L3MBTL4: variants seen among roughly 807,000 people sequenced by gnomAD.
L3MBTL4 encodes lethal(3)malignant brain tumor-like protein 4.
Under a neutral mutation model 84.5 loss-of-function variants are expected in L3MBTL4, and 70 were observed. The observed-to-expected ratio is 0.83, with a 90% CI of 0.68 to 1.01. L3MBTL4 has a LOEUF of 1.01. L3MBTL4 is among the 50% of genes least tolerant of loss of function. L3MBTL4 has a pLI of 0.00. For synonymous variants in L3MBTL4, 274 were observed against 259.8 expected (o/e 1.05, Z -0.52); for missense variants, 715 against 754.8 (o/e 0.95, Z 0.62).
chr18:6,357,979 C>T (rs1307287026), intron 1 of L3MBTL4, among the ~76,000 whole-genome samples: 1 of 152,286 alleles, frequency 6.6e-6, no homozygotes, highest in African/African-American at 2.4e-5. Context: ...TGCCTTTGAC[C>T]AAGCCTTGGA....
At chr18:6,184,754 G>A (rs1280593728) in intron 12 of L3MBTL4, among the ~76,000 whole-genome samples, 1 of 152,118 alleles carries the variant, frequency 6.6e-6, no homozygotes, top group Non-Finnish European at 1.5e-5. Context: ...TACGTGGAAG[G>A]GGCCAGGGGA....
chr18:6,090,503 G>A (rs1380054850), intron 15 of L3MBTL4, among the ~76,000 whole-genome samples: 1 of 151,018 alleles, frequency 6.6e-6, no homozygotes, highest in Non-Finnish European at 1.5e-5. Context: ...AACCAAATTT[G>A]GAAGCTTATC....
chr18:6,354,819 T>C (rs980508414), intron 1 of L3MBTL4, among the ~76,000 whole-genome samples: 2 of 152,138 alleles, frequency 1.3e-5, no homozygotes, highest in South Asian at 2.1e-4. Context: ...GGAACCCTCG[T>C]ATACTGTTGG....
intron 16 of L3MBTL4, among the ~76,000 whole-genome samples, chr18:6,078,498 G>A (rs1225468547): frequency 6.8e-6 from 1 of 147,062 alleles, no homozygotes; most frequent in African/African-American, 2.5e-5. Context: ...ATTATGATCA[G>A]ATTTGCAGGC....
intron 14 of L3MBTL4, among the ~76,000 whole-genome samples, chr18:6,108,785 A>C (rs1441924037): frequency 1.3e-5 from 2 of 152,176 alleles, no homozygotes; most frequent in Non-Finnish European, 2.9e-5. Context: ...AAATCTTTGA[A>C]AAAGAAACTC....
intron 12 of L3MBTL4, among the ~76,000 whole-genome samples, chr18:6,178,431 A>G (rs1316812369): frequency 6.6e-6 from 1 of 152,212 alleles, no homozygotes; most frequent in Non-Finnish European, 1.5e-5. Flanking sequence ...TTCTAACCAG[A>G]TGGTCAAGTT....
At chr18:6,345,838 G>A (rs1372118816) in intron 1 of L3MBTL4, among the ~76,000 whole-genome samples, 12 of 151,800 alleles carry the variant, frequency 7.9e-5, no homozygotes, top group Admixed American at 7.9e-4. Context: ...AAATTAATAT[G>A]GAACCACAAA....
At chr18:6,077,067 T>C in intron 16 of L3MBTL4, among the ~76,000 whole-genome samples, 1 of 152,138 alleles carries the variant, frequency 6.6e-6, no homozygotes, top group East Asian at 1.9e-4. Flanking sequence ...GGAACACTCA[T>C]TGAGCAAAGG....
chr18:5,998,525 C>CTTGCT (rs1395860777), intron 16 of L3MBTL4, among the ~76,000 whole-genome samples: 1 of 152,092 alleles, frequency 6.6e-6, no homozygotes, highest in Admixed American at 6.6e-5. Context: ...AGTCACTTAA[C>CTTGCT]CAAAGGGTGG....
chr18:6,291,648 GCAGAGGAA>G (rs1568445472), intron 4 of L3MBTL4, among the ~76,000 whole-genome samples: 1 of 152,158 alleles, frequency 6.6e-6, no homozygotes, highest in Non-Finnish European at 1.5e-5. Context: ...ATATCCATAT[GCAGAGGAA>G]TGAAACTGGA....
At chr18:6,244,154 CATT>C (rs748370477) in intron 6 of L3MBTL4, among the ~76,000 whole-genome samples, 35 of 152,076 alleles carry the variant, frequency 2.3e-4, no homozygotes, top group South Asian at 8.3e-4. Flanking sequence ...ACACATTTCT[CATT>C]AGTTCAGCTA....
chr18:6,169,158 T>A lies in L3MBTL4; in HGVS notation c.1096+2670A>T, dbSNP rs181544961. Among the ~76,000 whole-genome samples, 235 of 152,198 alleles carry A rather than the reference T, an allele frequency of 1.5e-3. 1 individual carries two copies. The highest frequency in any genetic ancestry group is 5.1e-3 in the African/African-American group (211 of 41,522). On this transcript the variant is annotated intron_variant, in intron 13 of 18. Coordinates refer to ENST00000317931, the MANE Select transcript of L3MBTL4 (RefSeq NM_001330559.2). Reference sequence around the variant, plus strand: ...CATCTCACACCAGTTAGAATGGCGATCATTAAAAAGTCAGGAAAAAACAGG... The same window carrying A: ...CATCTCACACCAGTTAGAATGGCGAACATTAAAAAGTCAGGAAAAAACAGG...
intron 14 of L3MBTL4, among the ~76,000 whole-genome samples, chr18:6,125,687 C>A (rs1164507693): frequency 6.6e-6 from 1 of 152,166 alleles, no homozygotes. Context: ...GCCTTGGCCT[C>A]CCAAAGTGTT....
At chr18:6,374,858 A>C (rs1459807427) in intron 1 of L3MBTL4, among the ~76,000 whole-genome samples, 1 of 152,212 alleles carries the variant, frequency 6.6e-6, no homozygotes, top group Non-Finnish European at 1.5e-5. Flanking sequence ...GGCAAAATGA[A>C]ATTTCTAAAG....
At chr18:5,972,891 A>G (rs2052714208) in intron 16 of L3MBTL4, among the ~76,000 whole-genome samples, 1 of 141,426 alleles carries the variant, frequency 7.1e-6, no homozygotes, top group Non-Finnish European at 1.5e-5. Context: ...ATAGAACAGA[A>G]GAGAATAGAA....
rs1365074879 is a variant in L3MBTL4, at chr18:6,337,142, T to C, written c.-90-25086A>G. The stretch of plus-strand genomic sequence containing the variant: ...GGAAAGAAAAGGAGCATAAAATATA[T>C]AGGGCACAATAAAAAGACATAAAAT... On this transcript the variant is annotated intron_variant, in intron 1 of 18. Coordinates refer to ENST00000317931, the MANE Select transcript of L3MBTL4 (RefSeq NM_001330559.2). Among the ~76,000 whole-genome samples the C allele has an allele frequency of 2.0e-5, 3 of 151,774 alleles. No homozygotes were observed. The East Asian group carries it at 5.8e-4, about 29-fold the overall frequency.
At chr18:6,302,238 C>T (rs981644001) in intron 3 of L3MBTL4, among the ~76,000 whole-genome samples, 3 of 152,144 alleles carry the variant, frequency 2.0e-5, no homozygotes, top group African/African-American at 4.8e-5. Context: ...GGTACCTTCC[C>T]TGAGTGGATC....
intron 10 of L3MBTL4, among the ~76,000 whole-genome samples, chr18:6,233,786 T>A (rs1425369600): frequency 6.6e-6 from 1 of 152,130 alleles, no homozygotes; most frequent in Non-Finnish European, 1.5e-5. Flanking sequence ...AAGCTACCAA[T>A]GACTTTCTTC....
At chr18:6,127,149 T>A (rs2059721098) in intron 14 of L3MBTL4, among the ~76,000 whole-genome samples, 1 of 152,178 alleles carries the variant, frequency 6.6e-6, no homozygotes, top group East Asian at 1.9e-4. Flanking sequence ...GGAGCCAAAC[T>A]AAACACAAAG....
Sources: gnomAD v4.1 joint callset for allele counts (sites outside exome capture counted in the v4.1 genomes callset) on GRCh38, gnomAD v4.1.1 for gene constraint, MANE v1.5 for transcripts, NCBI Gene and HGNC (gene_info 2026-07-23, HGNC 2026-07-21) for gene names.